Variants in ZYG11A observed in about 807,000 individuals in gnomAD.
ZYG11A encodes the protein zyg-11 family member A, cell cycle regulator.
ZYG11A carries 62 observed loss-of-function variants against 77.2 expected under a neutral mutation model. The observed-to-expected ratio is 0.80, with a 90% CI of 0.65 to 0.99. The LOEUF (loss-of-function observed/expected upper bound fraction) is 0.99. ZYG11A is among the 50% of genes least tolerant of loss of function. The probability of loss-of-function intolerance (pLI) is 0.00; values close to 1 mark genes in which losing one functional copy is unlikely to be tolerated. For synonymous variants in ZYG11A, 315 were observed against 324.6 expected (o/e 0.97, Z 0.32); for missense variants, 828 against 896.8 (o/e 0.92, Z 0.98).
At chr1:52,860,642 C>T (rs1645910012) in intron 3 of ZYG11A, 89 bp from the exon 4 acceptor site, 1 of 1,383,962 alleles carries the variant, frequency 7.2e-7, no homozygotes, top group South Asian at 1.3e-5. Flanking sequence ...TTGTCTTAAA[C>T]ACTGGATGCC....
Position 52,862,636 on chromosome 1 carries a change from A to T in ZYG11A, c.1150-1345A>T, listed in dbSNP as rs1399089593. Among the ~76,000 whole-genome samples the T allele has an allele frequency of 6.6e-5, 10 of 152,278 alleles. No individual in the cohort carries two copies. In the East Asian group the frequency reaches 1.7e-3, roughly 26 times the overall value. On this transcript the variant is annotated intron_variant, in intron 4 of 13. Transcript: ENST00000371528. ...AAGCCCAGGAGTTTGAGGCTGCTAC[A>T]GTAAGCTATGATGGTGCCACTATAC...
At position 52,881,486 on chromosome 1, in the gene ZYG11A, G is replaced by A. The variant is rs1337340472; in HGVS notation, c.1765G>A (p.Val589Ile). Residue 589 changes from valine to isoleucine, a missense_variant, in exon 11 of 14, where the codon GTC becomes ATC. Transcript: ENST00000371528. ...VLGLLNNIAE[V>I]RELSSKLVTE... is the part of the protein sequence containing the mutation. The stretch of plus-strand genomic sequence containing the variant: ...TGACCTGTAGAACAACATAGCAGAA[G>A]TCAGAGAGCTCTCTTCCAAGCTGGT... The A allele has an allele frequency of 1.9e-6, 3 of 1,550,566 alleles. No individual in the cohort carries two copies. The highest frequency in any genetic ancestry group is 3.9e-5 in the Admixed American group (2 of 50,854).
At chr1:52,872,369 G>C (rs140468258) in intron 8 of ZYG11A, among the ~76,000 whole-genome samples, 1,650 of 152,118 alleles carry the variant, frequency 0.011, 11 homozygotes, top group African/African-American at 0.029. Flanking sequence ...CTCCCAAAGT[G>C]CTGGGATTAT....
chr1:52,878,549 G>A (rs918046539), intron 10 of ZYG11A, among the ~76,000 whole-genome samples: 3 of 152,158 alleles, frequency 2.0e-5, no homozygotes, highest in African/African-American at 7.2e-5. Context: ...TATATACAGG[G>A]ATAGGAGAAG....
At chr1:52,867,357 A>G (rs368183885) in intron 6 of ZYG11A, among the ~76,000 whole-genome samples, 182 bp from the exon 7 acceptor site, 1 of 152,108 alleles carries the variant, frequency 6.6e-6, no homozygotes, top group African/African-American at 2.4e-5. Flanking sequence ...TCTTATTTGC[A>G]TACTCTCCTA....
chr1:52,877,069 G>C (rs1646274083), intron 8 of ZYG11A, among the ~76,000 whole-genome samples: 1 of 152,108 alleles, frequency 6.6e-6, no homozygotes, highest in Non-Finnish European at 1.5e-5. Context: ...CAGTGGCTTA[G>C]AGCAGCAGAC....
chr1:52,862,388 T>C (rs932194964), intron 4 of ZYG11A, among the ~76,000 whole-genome samples: 20 of 146,474 alleles, frequency 1.4e-4, no homozygotes, highest in African/African-American at 5.0e-4. Context: ...CTCCGCTCAC[T>C]GCAGGCTCCA....
At position 52,857,665 on chromosome 1, in the gene ZYG11A, A is replaced by T. The variant is rs755416343; in HGVS notation, c.924A>T (p.Arg308=). ...ATGAAGCTGTAGAACTGTTTATACG[A>T]CTGCGGCCTGCCATGCAATTTGTGG... ...ITDEAVELFI[R]LRPAMQFVGL... is the part of the protein sequence containing the mutation. Residue 308 remains arginine (R), a synonymous_variant, in exon 3 of 14, where the codon CGA becomes CGT. Transcript: ENST00000371528. 2 of 1,552,138 alleles carry T rather than the reference A, an allele frequency of 1.3e-6. No homozygotes were observed. The highest frequency in any genetic ancestry group is 2.4e-5 in the South Asian group (2 of 84,038).
intron 1 of ZYG11A, among the ~76,000 whole-genome samples, chr1:52,851,697 GCA>G (rs917184496): frequency 4.0e-5 from 6 of 151,504 alleles, no homozygotes; most frequent in African/African-American, 1.5e-4. Context: ...ACCATGCCCG[GCA>G]CACAGTTTAT....
In ZYG11A at chr1:52,857,203, C is replaced by G. The variant is rs1456077801; in HGVS notation, c.462C>G (p.Ile154Met). The change falls in exon 3 of 14, where the codon ATC (isoleucine) becomes ATG (methionine). Residue 154 changes from isoleucine to methionine, a missense_variant. Transcript: ENST00000371528. ...IISGLCSNRW[I>M]QQNLQCLLLD... is the part of the protein sequence containing the mutation. Reference sequence around the variant, plus strand: ...GTGGACTCTGCAGCAATAGGTGGATCCAGCAAAACCTCCAGTGTCTCCTGT... The same window carrying G: ...GTGGACTCTGCAGCAATAGGTGGATGCAGCAAAACCTCCAGTGTCTCCTGT... 1 of 1,552,212 alleles carries G rather than the reference C, an allele frequency of 6.4e-7. No homozygotes were observed. The highest frequency in any genetic ancestry group is 2.0e-5 in the Admixed American group (1 of 50,992).
At chr1:52,873,551 A>G (rs1402329206) in intron 8 of ZYG11A, among the ~76,000 whole-genome samples, 1 of 152,212 alleles carries the variant, frequency 6.6e-6, no homozygotes, top group Non-Finnish European at 1.5e-5. Flanking sequence ...GGGAAGAGCA[A>G]AGACATATTT....
intron 2 of ZYG11A, among the ~76,000 whole-genome samples, chr1:52,855,683 C>T (rs1005202382): frequency 9.2e-5 from 14 of 152,108 alleles, no homozygotes; most frequent in African/African-American, 2.4e-4. Flanking sequence ...CCTTGTGTGC[C>T]GAACTTTTTT....
At chr1:52,874,341 C>T (rs948855679) in intron 8 of ZYG11A, among the ~76,000 whole-genome samples, 1 of 152,060 alleles carries the variant, frequency 6.6e-6, no homozygotes, top group Non-Finnish European at 1.5e-5. Flanking sequence ...ACCTCCTGGG[C>T]TCAAGTGATC....
intron 10 of ZYG11A, 131 bp downstream of exon 10, chr1:52,878,100 C>A: frequency 2.7e-6 from 2 of 750,286 alleles, no homozygotes; most frequent in Non-Finnish European, 4.4e-6. Flanking sequence ...TTTACATTAG[C>A]CCTACAGAGT....
Position 52,877,843 on chromosome 1 carries a change from G to A in ZYG11A, c.1704G>A (p.Glu568=), listed in dbSNP as rs1055072151. 9 of 1,551,368 alleles carry A rather than the reference G, an allele frequency of 5.8e-6. No homozygotes were observed. Among genetic ancestry groups the A allele is most frequent in the Non-Finnish European group, 7.8e-6 (9 of 1,146,916 alleles). Residue 568 remains glutamate, a splice_region_variant and synonymous_variant, in exon 9 of 14, where the codon GAG becomes GAA. Transcript: ENST00000371528. ...TGCAAATCTTCATCCAAGTCTTGGA[G>A]GTGGGAAGACAGGATTGAGTTTATA... ...QGLQIFIQVL[E]TFSESAIQSK...
At chr1:52,881,226 G>T (rs907148253) in intron 10 of ZYG11A, 2 of 291,488 alleles carry the variant, frequency 6.9e-6, no homozygotes, top group Admixed American at 4.7e-5. Flanking sequence ...TAGATAAAAA[G>T]ACAATTTTAT....
At chr1:52,879,742 C>T (rs532895665) in intron 10 of ZYG11A, among the ~76,000 whole-genome samples, 4 of 114,360 alleles carry the variant, frequency 3.5e-5, no homozygotes, top group Admixed American at 1.0e-4. Flanking sequence ...AGATCTTCCA[C>T]TTTTCTTATT....
chr1:52,856,875 A>G, intron 2 of ZYG11A, 123 bp from the exon 3 acceptor site: 1 of 1,020,562 alleles, frequency 9.8e-7, no homozygotes, highest in South Asian at 1.8e-5. Flanking sequence ...CAATGCTAGC[A>G]CAGAGCAGTA....
chr1:52,857,418 G>T lies in ZYG11A; in HGVS notation c.677G>T (p.Cys226Phe), dbSNP rs1460498447. ...ACTGATATTTCTGCACTGCTTACCT[G>T]TAAGGATCGATTGAAGTCTCTCACA... is the stretch of plus-strand genomic sequence containing the variant. The part of the protein sequence containing the change: ...LVTDISALLT[C>F]KDRLKSLTMH... The change falls in exon 3 of 14, where the codon TGT becomes TTT. Residue 226 changes from cysteine to phenylalanine, a missense_variant. Coordinates refer to ENST00000371528, the MANE Select transcript of ZYG11A (RefSeq NM_001004339.3). 1 of 1,551,848 alleles carries T rather than the reference G, an allele frequency of 6.4e-7. No homozygotes were observed. Among genetic ancestry groups the T allele is most frequent in the African/African-American group, 1.4e-5 (1 of 73,042 alleles).
Sources: allele counts gnomAD v4.1 joint callset (sites outside exome capture counted in the v4.1 genomes callset), GRCh38; gene constraint gnomAD v4.1.1; transcripts MANE v1.5; gene names NCBI Gene and HGNC (gene_info 2026-07-23, HGNC 2026-07-21).